Variants in VRK1 observed in about 807,000 individuals in gnomAD.
VRK1 encodes the protein serine/threonine-protein kinase VRK1.
VRK1 carries 33 observed loss-of-function variants against 57.1 expected under a neutral mutation model. The observed-to-expected ratio is 0.58, with a 90% CI of 0.44 to 0.77. The LOEUF is 0.77. Among genes scored for constraint, VRK1 ranks in the 30% least tolerant of loss-of-function variants. The pLI is 0.00. For missense variants in VRK1, 413 were observed against 477.3 expected, an observed-to-expected ratio of 0.87 and a Z score of 1.25; for synonymous variants, 137 against 147.8, an observed-to-expected ratio of 0.93 and a Z score of 0.53.
In VRK1 at chr14:96,856,561, A is replaced by G. The variant is rs1744342065; in HGVS notation, c.864A>G (p.Lys288=). ...AAAATATTGCAAGTTTGATGGACAA[A>G]TGTTTTCCTGAGAAAAACAAACCAG... ...YRENIASLMD[K]CFPEKNKPGE... is the part of the protein sequence containing the mutation. The change falls in exon 10 of 13, where the codon AAA becomes AAG. Residue 288 remains lysine, a synonymous_variant. Coordinates refer to ENST00000216639, the MANE Select transcript of VRK1 (RefSeq NM_003384.3). 1.2e-6 allele frequency: 2 copies of G among 1,613,826 alleles called. No homozygotes were observed. The highest frequency in any genetic ancestry group is 1.3e-5 in the African/African-American group (1 of 75,040).
intron 9 of VRK1, 97 bp from the exon 10 acceptor site, chr14:96,856,431 A>G: frequency 3.7e-6 from 5 of 1,361,588 alleles, no homozygotes; most frequent in Non-Finnish European, 5.1e-6. Flanking sequence ...AAGCATATTT[A>G]GGATGTAGCA....
chr14:96,860,843 T>A (rs1238305799), intron 11 of VRK1, 108 bp downstream of exon 11: 1 of 1,230,302 alleles, frequency 8.1e-7, no homozygotes, highest in Non-Finnish European at 1.1e-6. Context: ...ACAGATTGCA[T>A]GGCAATTAAG....
At chr14:96,866,167 T>C (rs1888578871) in intron 11 of VRK1, among the ~76,000 whole-genome samples, 1 of 152,206 alleles carries the variant, frequency 6.6e-6, no homozygotes, top group East Asian at 1.9e-4. Context: ...TATGTGAATT[T>C]ACTAGATTAT....
chr14:96,834,943 C>T (rs998971261), intron 2 of VRK1, among the ~76,000 whole-genome samples: 9 of 152,088 alleles, frequency 5.9e-5, no homozygotes, highest in Non-Finnish European at 5.9e-5. Context: ...AAACCTGTCT[C>T]TAAAAAAATA....
At chr14:96,850,999 A>G (rs1442177839) in intron 5 of VRK1, among the ~76,000 whole-genome samples, 4 of 152,218 alleles carry the variant, frequency 2.6e-5, no homozygotes, top group African/African-American at 9.6e-5. Flanking sequence ...CAACATGTAT[A>G]TGTGCCCTGG....
At chr14:96,831,481 G>A (rs1462240528) in intron 1 of VRK1, among the ~76,000 whole-genome samples, 1 of 152,172 alleles carries the variant, frequency 6.6e-6, no homozygotes, top group African/African-American at 2.4e-5. Context: ...AGGAAAGAAA[G>A]TCATTCCAAG....
chr14:96,872,618 A>G lies in VRK1; in HGVS notation c.1069-3412A>G, dbSNP rs777202684. ...GTGCTGTGGAAAGGAAATTGCAATAAGAATAAAGAGCTCTGAGTTCTAGTC... is the reference window on the plus strand; with the variant it reads ...GTGCTGTGGAAAGGAAATTGCAATAGGAATAAAGAGCTCTGAGTTCTAGTC... On this transcript the variant is annotated intron_variant, in intron 11 of 12. Coordinates refer to ENST00000216639, the MANE Select transcript of VRK1 (RefSeq NM_003384.3). Among the ~76,000 whole-genome samples the G allele has an allele frequency of 3.0e-4, 46 of 152,234 alleles. 1 individual carries two copies. Among genetic ancestry groups the G allele is most frequent in the Non-Finnish European group, 5.1e-4 (35 of 68,034 alleles).
In VRK1 at chr14:96,856,557, A is replaced by G. The variant is rs1449338678; in HGVS notation, c.860A>G (p.Asp287Gly). Residue 287 changes from aspartate to glycine, a missense_variant, in exon 10 of 13, where the codon GAC (aspartate) becomes GGC (glycine). Physicochemically the swap from Asp to Gly is moderately conservative, Grantham distance 94 (BLOSUM62 -1). This residue lies in a region of VRK1 where 146 missense variants were observed against 138.2 expected (regional missense o/e 1.06). Coordinates refer to ENST00000216639, the MANE Select transcript of VRK1 (RefSeq NM_003384.3). ...RYRENIASLM[D>G]KCFPEKNKPG... Reference sequence around the variant, plus strand: ...AGAGAAAATATTGCAAGTTTGATGGACAAATGTTTTCCTGAGAAAAACAAA... The same window carrying G: ...AGAGAAAATATTGCAAGTTTGATGGGCAAATGTTTTCCTGAGAAAAACAAA... 7 of 1,613,762 alleles carry G rather than the reference A, an allele frequency of 4.3e-6. No individual in the cohort carries two copies. The highest frequency in any genetic ancestry group is 5.9e-6 in the Non-Finnish European group (7 of 1,179,808).
chr14:96,871,784 A>G (rs1888832383), intron 11 of VRK1, among the ~76,000 whole-genome samples: 1 of 152,150 alleles, frequency 6.6e-6, no homozygotes, highest in Admixed American at 6.5e-5. Flanking sequence ...ATTGAAAACA[A>G]TAAATCACTT....
chr14:96,854,549 A>G (rs1566708949), intron 7 of VRK1, among the ~76,000 whole-genome samples: 2 of 152,190 alleles, frequency 1.3e-5, no homozygotes, highest in Admixed American at 1.3e-4. Flanking sequence ...TTAGCTTTGT[A>G]TGCTAATCAG....
At chr14:96,822,650 T>C (rs1886647677) in intron 1 of VRK1, among the ~76,000 whole-genome samples, 1 of 152,340 alleles carries the variant, frequency 6.6e-6, no homozygotes, top group African/African-American at 2.4e-5. Context: ...GCAAAAAATA[T>C]AACAAATGTA....
chr14:96,867,463 G>GTT (rs1888630413), intron 11 of VRK1, among the ~76,000 whole-genome samples: 1 of 102,964 alleles, frequency 9.7e-6, no homozygotes, highest in Admixed American at 8.5e-5. Context: ...ACAAGTGTGT[G>GTT]TGTGTGTGTG....
rs139331778 is a variant in VRK1 at position 96,823,670 on chromosome 14, G to A, written c.-5-9797G>A. Among the ~76,000 whole-genome samples, 447 of 152,282 alleles carry A rather than the reference G, an allele frequency of 2.9e-3. 2 individuals are homozygous for A. Among genetic ancestry groups the A allele is most frequent in the Non-Finnish European group, 4.9e-3 (336 of 68,028 alleles). On this transcript the variant is annotated intron_variant, in intron 1 of 12. Transcript: ENST00000216639. ...GATTTCCCATCTTAACCATTTTTAA[G>A]TGTACACAGTAGCGTTAAGTGTATT...
At position 96,852,919 on chromosome 14, in the gene VRK1, T is replaced by A. The variant is rs549149692; in HGVS notation, c.463T>A (p.Leu155Met). 2.7e-5 allele frequency: 44 copies of A among 1,613,888 alleles called. 1 individual carries two copies. The East Asian group carries it at 8.9e-4, about 33-fold the overall frequency. The part of the protein sequence containing the change: ...NAKRFSRKTV[L>M]QLSLRILDIL... ...CAAAAGGTTTTCTCGGAAAACTGTC[T>A]TGCAGCTAAGCTTAAGAATTGTATG... Residue 155 changes from leucine (L) to methionine (M), a missense_variant, in exon 6 of 13, where the codon TTG becomes ATG. Coordinates refer to ENST00000216639, the MANE Select transcript of VRK1 (RefSeq NM_003384.3).
intron 11 of VRK1, among the ~76,000 whole-genome samples, chr14:96,862,527 A>G (rs1260827551): frequency 7.6e-6 from 1 of 130,898 alleles, no homozygotes; most frequent in African/African-American, 2.9e-5. Context: ...TTTTTTTTGT[A>G]AAGTGAAAGA....
At chr14:96,867,456 A>AGTGTGTGTGTGTGT (rs34415863) in intron 11 of VRK1, among the ~76,000 whole-genome samples, 1 of 148,386 alleles carries the variant, frequency 6.7e-6, no homozygotes, top group East Asian at 2.0e-4. Context: ...TCTGTGCACA[A>AGTGTGTGTGTGTGT]GTGTGTGTGT....
Position 96,850,044 on chromosome 14 carries a change from C to T in VRK1, c.374+2700C>T, listed in dbSNP as rs145416509. On this transcript the variant is annotated intron_variant, in intron 5 of 12. Transcript: ENST00000216639. ...GAACACAGTCTAAGTCTTAACTCACCACTTACTAGTGATGACTTTACCTCC... is the reference window on the plus strand; with the variant it reads ...GAACACAGTCTAAGTCTTAACTCACTACTTACTAGTGATGACTTTACCTCC... Among the ~76,000 whole-genome samples the T allele has an allele frequency of 7.8e-4, 119 of 152,232 alleles. 1 individual carries two copies. Among genetic ancestry groups the T allele is most frequent in the African/African-American group, 2.7e-3 (114 of 41,538 alleles).
intron 1 of VRK1, among the ~76,000 whole-genome samples, chr14:96,806,170 G>A (rs905691470): frequency 2.0e-5 from 3 of 152,084 alleles, no homozygotes; most frequent in Non-Finnish European, 2.9e-5. Flanking sequence ...TCTGCATCTA[G>A]TGTATTTGTT....
At chr14:96,815,513 C>T (rs1886358770) in intron 1 of VRK1, among the ~76,000 whole-genome samples, 1 of 151,924 alleles carries the variant, frequency 6.6e-6, no homozygotes, top group Non-Finnish European at 1.5e-5. Flanking sequence ...ATGTTTTATA[C>T]ATTTTTAAAA....
Sources: gnomAD v4.1 joint callset for allele counts (sites outside exome capture counted in the v4.1 genomes callset) on GRCh38, gnomAD v4.1.1 for gene constraint, gnomAD v4.1.1 regional missense constraint, MANE v1.5 for transcripts, NCBI Gene and HGNC (gene_info 2026-07-23, HGNC 2026-07-21) for gene names.